MTOR: variants seen among roughly 807,000 people sequenced by gnomAD.
MTOR encodes serine/threonine-protein kinase mTOR.
In MTOR, 70 loss-of-function variants were observed where a neutral mutation model predicts 319.8. That is an observed-to-expected ratio of 0.22 (90% confidence interval 0.18 to 0.27). The LOEUF (loss-of-function observed/expected upper bound fraction) is 0.27. MTOR is among the 10% of genes least tolerant of loss of function. The probability of loss-of-function intolerance (pLI) is 1.00; values close to 1 mark genes in which losing one functional copy is unlikely to be tolerated. For missense variants in MTOR, 1,890 were observed against 3,274.4 expected (o/e 0.58, Z 10.32); for synonymous variants, 1,183 against 1,211.4 (o/e 0.98, Z 0.49).
chr1:11,242,928 CAT>C lies in MTOR; in HGVS notation c.1412+184_1412+185del, dbSNP rs138294184. 8.0e-3 allele frequency among the ~76,000 whole-genome samples: 1,213 copies of C among 152,300 alleles called. 19 individuals carry two copies. The highest frequency in any genetic ancestry group is 0.027 in the African/African-American group (1,120 of 41,558). On this transcript the variant is annotated intron_variant, in intron 9 of 57. Transcript: ENST00000361445. ...GGGTATTCAACCTCCCCAAATATTT[CAT>C]ATATGTTATTTCATTTGGAAAAGCT...
intron 30 of MTOR, among the ~76,000 whole-genome samples, chr1:11,155,315 C>A (rs1644283248): frequency 6.6e-6 from 1 of 152,094 alleles, no homozygotes; most frequent in Non-Finnish European, 1.5e-5. Flanking sequence ...GTAAAAACAG[C>A]ACATTGCCGT....
Position 11,128,842 on chromosome 1 carries a change from C to G in MTOR, c.5811+13G>C. ...ACTTGGAGCCACCTTCACCTGTAAC[C>G]AAGTATCCTCACCTGTAGCCAGGTA... On this transcript the variant is annotated intron_variant, in intron 41 of 57. Coordinates refer to ENST00000361445, the MANE Select transcript of MTOR (RefSeq NM_004958.4). The surrounding 1 kb of genome is among the most constrained non-coding windows in gnomAD (Gnocchi z 5.3). 5.6e-6 allele frequency: 9 copies of G among 1,608,874 alleles called. No homozygotes were observed. The highest frequency in any genetic ancestry group is 7.7e-6 in the Non-Finnish European group (9 of 1,175,900).
chr1:11,191,262 C>A (rs1047367765), intron 28 of MTOR, among the ~76,000 whole-genome samples: 9 of 152,156 alleles, frequency 5.9e-5, no homozygotes, highest in African/African-American at 1.9e-4. Flanking sequence ...TGCTCAGTTA[C>A]CCTTATATTC....
In MTOR at chr1:11,233,443, T is replaced by A. The variant is rs778578656; in HGVS notation, c.2376A>T (p.Pro792=). ...KLKDPDPDPN[P]GVINNVLATI... ...TTGCCAGGACATTATTGATCACACC[T>A]GGGTTTGGATCAGGGTCTGGATCTT... Residue 792 remains proline, a synonymous_variant, in exon 15 of 58, where the codon CCA becomes CCT. Transcript: ENST00000361445. 23 of 1,614,122 alleles carry A rather than the reference T, an allele frequency of 1.4e-5. No homozygotes were observed. The highest frequency in any genetic ancestry group is 1.9e-5 in the Non-Finnish European group (23 of 1,180,006).
intron 19 of MTOR, among the ~76,000 whole-genome samples, chr1:11,224,332 A>C (rs1646762064): frequency 6.6e-6 from 1 of 152,162 alleles, no homozygotes; most frequent in Non-Finnish European, 1.5e-5. Context: ...TAAAGATAAG[A>C]AGGATTATTG....
At position 11,145,247 on chromosome 1, in the gene MTOR, G is replaced by A; in HGVS notation, c.4687-202C>T. On this transcript the variant is annotated intron_variant, in intron 32 of 57. Coordinates refer to ENST00000361445, the MANE Select transcript of MTOR (RefSeq NM_004958.4). ...CCAATTTCTCATCGAAGACAGAAAT[G>A]TATGGCATCCAAAACTTTAACATCT... The A allele has an allele frequency of 1.2e-5, 7 of 582,714 alleles. No individual in the cohort carries two copies. In the South Asian group the frequency reaches 1.5e-4, roughly 12 times the overall value. 36.1% of individuals were successfully genotyped at this position (582,714 alleles called of 1,614,324 possible).
intron 56 of MTOR, among the ~76,000 whole-genome samples, chr1:11,108,951 G>A (rs1388826364): frequency 6.6e-6 from 1 of 152,002 alleles, no homozygotes; most frequent in Non-Finnish European, 1.5e-5. Context: ...TGGAGCCACT[G>A]AACTCCAGAC....
At chr1:11,250,006 C>T (rs1421280519) in intron 6 of MTOR, among the ~76,000 whole-genome samples, 7 of 149,966 alleles carry the variant, frequency 4.7e-5, no homozygotes, top group South Asian at 2.1e-4. Context: ...CGGGCAGAGG[C>T]GCCCCTCACC....
At chr1:11,149,504 C>T (rs1338155120) in intron 31 of MTOR, 1 of 152,302 alleles carries the variant, frequency 6.6e-6, no homozygotes, top group Non-Finnish European at 1.5e-5. Flanking sequence ...ACCTGTTCAC[C>T]TCTATCTTTT....
intron 6 of MTOR, 124 bp downstream of exon 6, chr1:11,253,715 A>G: frequency 9.2e-7 from 1 of 1,086,168 alleles, no homozygotes; most frequent in Non-Finnish European, 1.3e-6. Context: ...AAATTATCTT[A>G]TTTACTTATT....
intron 28 of MTOR, among the ~76,000 whole-genome samples, chr1:11,186,287 C>T (rs970944869): frequency 1.3e-5 from 2 of 152,062 alleles, no homozygotes; most frequent in African/African-American, 4.8e-5. Context: ...CATTTTCAAG[C>T]AAATGGGATC....
Position 11,230,995 on chromosome 1 carries a change from A to C in MTOR, c.2709T>G (p.Ile903Met), listed in dbSNP as rs993638733. The C allele has an allele frequency of 6.2e-7, 1 of 1,614,160 alleles. No individual in the cohort carries two copies. Among genetic ancestry groups the C allele is most frequent in the Admixed American group, 1.7e-5 (1 of 60,018 alleles). Residue 903 changes from isoleucine (I) to methionine (M), a missense_variant, in exon 18 of 58, where the codon ATT becomes ATG. This residue lies in a region of MTOR where 377 missense variants were observed against 653.9 expected (regional missense o/e 0.58). Transcript: ENST00000361445. Reference protein sequence around the residue: ...ALDPYKHKVNIGMIDQSRDAS... With the variant: ...ALDPYKHKVNMGMIDQSRDAS... ...CATCCCGGGACTGGTCTATCATGCCAATGTTCACTTTGTGCTTGTAAGGAT... is the reference window on the plus strand; with the variant it reads ...CATCCCGGGACTGGTCTATCATGCCCATGTTCACTTTGTGCTTGTAAGGAT...
intron 29 of MTOR, among the ~76,000 whole-genome samples, chr1:11,158,626 T>C (rs1164370530): frequency 1.3e-5 from 2 of 151,616 alleles, no homozygotes; most frequent in Non-Finnish European, 2.9e-5. Flanking sequence ...TATGCCTAAA[T>C]ACAAAATAGG....
intron 54 of MTOR, among the ~76,000 whole-genome samples, chr1:11,110,405 ACTT>A (rs568714006): frequency 5.9e-5 from 9 of 151,800 alleles, no homozygotes; most frequent in South Asian, 2.1e-4. Context: ...TGATAATTAT[ACTT>A]CTTTTTTTTT....
Position 11,255,979 on chromosome 1 carries a change from G to A in MTOR, c.705+13C>T. ...GTGCTTTGCTAGTGGTGGGAATGGA[G>A]CCATCTCCTTACCCTGTACCACTGA... is the stretch of plus-strand genomic sequence containing the variant. On this transcript the variant is annotated intron_variant, in intron 5 of 57. Transcript: ENST00000361445. 2 of 1,609,042 alleles carry A rather than the reference G, an allele frequency of 1.2e-6. No individual in the cohort carries two copies. Among genetic ancestry groups the A allele is most frequent in the Non-Finnish European group, 1.7e-6 (2 of 1,176,400 alleles).
intron 28 of MTOR, among the ~76,000 whole-genome samples, chr1:11,174,890 AC>A (rs1365029086): frequency 1.3e-5 from 2 of 152,198 alleles, no homozygotes; most frequent in Admixed American, 1.3e-4. Context: ...ACGTAACACC[AC>A]AAACCAGACC....
chr1:11,111,041 G>A (rs913137300), intron 54 of MTOR: 5 of 448,522 alleles, frequency 1.1e-5, no homozygotes, highest in African/African-American at 1.0e-4. Context: ...CCCAGAGACT[G>A]TGTGTCCTAT....
chr1:11,262,373 C>T (rs563436985), intron 1 of MTOR, 72 bp downstream of exon 1: 2 of 152,472 alleles, frequency 1.3e-5, no homozygotes, highest in African/African-American at 4.8e-5. Flanking sequence ...CCCTGGCCCC[C>T]CCACGGGCAG....
intron 36 of MTOR, among the ~76,000 whole-genome samples, chr1:11,135,261 T>C (rs1056656596): frequency 2.2e-4 from 34 of 152,100 alleles, no homozygotes; most frequent in African/African-American, 7.5e-4. Context: ...AAACAAATCT[T>C]TTCTGGTTTT....
Sources: gnomAD v4.1 joint callset for allele counts (sites outside exome capture counted in the v4.1 genomes callset) on GRCh38, gnomAD v4.1.1 for gene constraint, gnomAD v4.1.1 regional missense constraint, Gnocchi (gnomAD v3.1) non-coding constraint, MANE v1.5 for transcripts, NCBI Gene and HGNC (gene_info 2026-07-23, HGNC 2026-07-21) for gene names.